The following METTL24 variants were observed in gnomAD, a reference collection of about 807,000 sequenced individuals.
The protein encoded by METTL24 is probable methyltransferase-like protein 24.
A neutral mutation model predicts 32.7 loss-of-function variants in METTL24; 29 were observed. The observed-to-expected ratio is 0.89, with a 90% CI of 0.66 to 1.21. The LOEUF is 1.21. Among genes scored for constraint, METTL24 ranks in the 50% most tolerant of loss-of-function variants. METTL24 has a pLI of 0.00. For synonymous variants in METTL24, 163 were observed against 179.5 expected, an observed-to-expected ratio of 0.91 and a Z score of 0.73; for missense variants, 439 against 468.1, an observed-to-expected ratio of 0.94 and a Z score of 0.57.
intron 4 of METTL24, among the ~76,000 whole-genome samples, chr6:110,280,401 A>G (rs1188571179): frequency 2.0e-5 from 3 of 152,156 alleles, no homozygotes; most frequent in Admixed American, 6.5e-5. Context: ...CAGGTATTCA[A>G]TCGCATGGGT....
chr6:110,315,333 T>C lies in METTL24; in HGVS notation c.557+9A>G. 1 of 1,613,730 alleles carries C rather than the reference T, an allele frequency of 6.2e-7. No homozygotes were observed. The highest frequency in any genetic ancestry group is 1.1e-5 in the South Asian group (1 of 90,956). On this transcript the variant is annotated intron_variant, in intron 3 of 4. Transcript: ENST00000338882. ...TGTGTTTTCTTCTGCTGTAAAAAAA[T>C]GTACTCACCCTAAGGAGTAGAGGCG...
At chr6:110,261,825 C>T (rs1482033673) in intron 4 of METTL24, among the ~76,000 whole-genome samples, 3 of 152,142 alleles carry the variant, frequency 2.0e-5, no homozygotes, top group Non-Finnish European at 4.4e-5. Flanking sequence ...CTCAAAACCG[C>T]TCAACTACAT....
At chr6:110,280,680 G>T (rs1771122319) in intron 4 of METTL24, among the ~76,000 whole-genome samples, 1 of 150,936 alleles carries the variant, frequency 6.6e-6, no homozygotes, top group South Asian at 2.1e-4. Flanking sequence ...TTGAGGCAGG[G>T]TCTTGCTCTG....
chr6:110,285,924 T>C (rs1771212183), intron 4 of METTL24, among the ~76,000 whole-genome samples: 2 of 152,218 alleles, frequency 1.3e-5, no homozygotes, highest in East Asian at 1.9e-4. Context: ...ATTCCTTCCA[T>C]ATGTGAAATC....
intron 3 of METTL24, among the ~76,000 whole-genome samples, chr6:110,314,095 CT>C (rs149552488): frequency 0.17 from 25,322 of 152,088 alleles, 2,734 homozygotes; most frequent in South Asian, 0.29. Context: ...ATGTCTGCCC[CT>C]AACCCTGACC....
At chr6:110,284,968 G>T (rs1771195330) in intron 4 of METTL24, among the ~76,000 whole-genome samples, 1 of 152,210 alleles carries the variant, frequency 6.6e-6, no homozygotes, top group Non-Finnish European at 1.5e-5. Flanking sequence ...TTATTAATCA[G>T]CTGGCCTCTG....
chr6:110,322,684 C>T (rs1412299209), intron 2 of METTL24, 90 bp downstream of exon 2: 8 of 1,040,184 alleles, frequency 7.7e-6, no homozygotes, highest in South Asian at 3.0e-5. Context: ...CATCAGGAGT[C>T]GCTGAGAACC....
At chr6:110,346,419 T>C (rs1431662821) in intron 1 of METTL24, among the ~76,000 whole-genome samples, 3 of 152,038 alleles carry the variant, frequency 2.0e-5, no homozygotes, top group Non-Finnish European at 2.9e-5. Context: ...GGAGACTATA[T>C]TGGAGGAGTA....
At chr6:110,252,599 A>G (rs138928760) in intron 4 of METTL24, among the ~76,000 whole-genome samples, 93 of 152,324 alleles carry the variant, frequency 6.1e-4, no homozygotes, top group African/African-American at 2.0e-3. Flanking sequence ...CTATCTCCAT[A>G]AGCATTTTTA....
At chr6:110,306,953 C>T (rs890814770) in intron 3 of METTL24, among the ~76,000 whole-genome samples, 2 of 152,160 alleles carry the variant, frequency 1.3e-5, no homozygotes, top group East Asian at 1.9e-4. Context: ...CAGACAATAA[C>T]GCTCCATGAG....
chr6:110,345,888 T>G (rs1363668724), intron 1 of METTL24, among the ~76,000 whole-genome samples: 3 of 152,134 alleles, frequency 2.0e-5, no homozygotes, highest in South Asian at 2.1e-4. Context: ...ATGACACAAG[T>G]TTACCTGTAT....
intron 3 of METTL24, among the ~76,000 whole-genome samples, chr6:110,304,144 G>A (rs545309436): frequency 1.3e-5 from 2 of 152,210 alleles, no homozygotes; most frequent in African/African-American, 4.8e-5. Context: ...GGAAGACCGG[G>A]CAAAAACTCC....
At position 110,246,018 on chromosome 6, in the gene METTL24, T is replaced by C. The variant is rs773602790; in HGVS notation, c.1029A>G (p.Leu343=). 2.5e-6 allele frequency: 4 copies of C among 1,614,060 alleles called. No individual in the cohort carries two copies. Among genetic ancestry groups the C allele is most frequent in the African/African-American group, 1.3e-5 (1 of 74,928 alleles). Residue 343 remains leucine (L), a synonymous_variant, in exon 5 of 5, where the codon CTA becomes CTG. Transcript: ENST00000338882. ...HSYKDLSKPQ[L]FLKKDIFNAS... ...CATTGAAAATGTCTTTCTTCAAGAA[T>C]AGCTGAGGTTTAGATAAGTCTTTGT...
chr6:110,320,183 T>G (rs1414670291), intron 2 of METTL24, among the ~76,000 whole-genome samples: 8 of 152,202 alleles, frequency 5.3e-5, no homozygotes, highest in Non-Finnish European at 7.3e-5. Flanking sequence ...TTTCTTAATG[T>G]TAAAAAGCAG....
At chr6:110,282,791 C>A (rs1361514338) in intron 4 of METTL24, among the ~76,000 whole-genome samples, 6 of 152,250 alleles carry the variant, frequency 3.9e-5, no homozygotes, top group African/African-American at 1.4e-4. Flanking sequence ...ACCTCAAAAC[C>A]AATACAAGTT....
intron 1 of METTL24, among the ~76,000 whole-genome samples, chr6:110,343,448 G>C (rs1772403686): frequency 6.6e-6 from 1 of 152,216 alleles, no homozygotes. Context: ...GTAGTAGAGA[G>C]GAAAGGAGAA....
chr6:110,323,037 C>T (rs1771957423), intron 1 of METTL24, among the ~76,000 whole-genome samples, 165 bp from the exon 2 acceptor site: 1 of 152,176 alleles, frequency 6.6e-6, no homozygotes, highest in African/African-American at 2.4e-5. Flanking sequence ...TCATTAAGGC[C>T]ACATCAGTCG....
intron 1 of METTL24, among the ~76,000 whole-genome samples, chr6:110,330,165 C>CT (rs1274349850): frequency 1.3e-5 from 2 of 152,084 alleles, no homozygotes; most frequent in African/African-American, 2.4e-5. Flanking sequence ...ACTTTTCCTC[C>CT]TTTTTTTTCC....
At chr6:110,327,757 G>C (rs1377934332) in intron 1 of METTL24, among the ~76,000 whole-genome samples, 1 of 152,140 alleles carries the variant, frequency 6.6e-6, no homozygotes, top group Non-Finnish European at 1.5e-5. Flanking sequence ...ACCTTAAAAC[G>C]TCAATGGCAG....
Sources: allele counts gnomAD v4.1 joint callset (sites outside exome capture counted in the v4.1 genomes callset), GRCh38; gene constraint gnomAD v4.1.1; transcripts MANE v1.5; gene names NCBI Gene and HGNC (gene_info 2026-07-23, HGNC 2026-07-21).